ANKS1B: variants seen among roughly 807,000 people sequenced by gnomAD.
ANKS1B encodes the protein ankyrin repeat and sterile alpha motif domain containing 1B.
In ANKS1B, 36 loss-of-function variants were observed where a neutral mutation model predicts 148.3. The observed-to-expected ratio is 0.24, with a 90% CI of 0.19 to 0.32. The LOEUF (loss-of-function observed/expected upper bound fraction) is 0.32. Ranked by LOEUF, ANKS1B falls within the 10% of genes least tolerant of loss-of-function variation. The pLI, the probability that ANKS1B is intolerant of heterozygous loss-of-function variation, is 1.00. For missense variants in ANKS1B, 1,157 were observed against 1,542.6 expected, an observed-to-expected ratio of 0.75 and a Z score of 4.19; for synonymous variants, 542 against 560.8, an observed-to-expected ratio of 0.97 and a Z score of 0.47.
intron 10 of ANKS1B, among the ~76,000 whole-genome samples, chr12:99,484,017 T>TCA (rs2096453361): frequency 6.6e-6 from 1 of 152,052 alleles, no homozygotes; most frequent in African/African-American, 2.4e-5. Context: ...TGATCTTTGT[T>TCA]ATCTTTTTTC....
At chr12:99,395,629 A>G (rs761263112) in intron 12 of ANKS1B, among the ~76,000 whole-genome samples, 3 of 152,178 alleles carry the variant, frequency 2.0e-5, no homozygotes, top group Non-Finnish European at 1.5e-5. Flanking sequence ...TACTAGAGTG[A>G]ACTTTCTAGT....
chr12:98,917,949 A>C (rs766020949), intron 17 of ANKS1B, among the ~76,000 whole-genome samples: 1 of 152,218 alleles, frequency 6.6e-6, no homozygotes, highest in Non-Finnish European at 1.5e-5. Context: ...GGGGTTACAA[A>C]ATTAAATAAA....
At chr12:99,024,079 G>A (rs996837143) in intron 17 of ANKS1B, among the ~76,000 whole-genome samples, 4 of 151,840 alleles carry the variant, frequency 2.6e-5, no homozygotes, top group African/African-American at 9.7e-5. Context: ...ATTGTTATCA[G>A]TGGGTGTACT....
intron 17 of ANKS1B, among the ~76,000 whole-genome samples, chr12:98,899,753 C>A (rs539972859): frequency 6.6e-6 from 1 of 152,296 alleles, no homozygotes; most frequent in South Asian, 2.1e-4. Flanking sequence ...AACTAACACA[C>A]CATGTAAAGC....
chr12:99,069,575 C>T, intron 16 of ANKS1B, among the ~76,000 whole-genome samples: 1 of 152,158 alleles, frequency 6.6e-6, no homozygotes, highest in Non-Finnish European at 1.5e-5. Flanking sequence ...AAATTATAAC[C>T]TTAGAAATCA....
At chr12:99,015,187 T>C (rs928158952) in intron 17 of ANKS1B, among the ~76,000 whole-genome samples, 14 of 152,206 alleles carry the variant, frequency 9.2e-5, no homozygotes, top group African/African-American at 3.4e-4. Context: ...TGGAATATTA[T>C]GCAGCCATAT....
intron 12 of ANKS1B, among the ~76,000 whole-genome samples, chr12:99,394,166 T>G (rs930541149): frequency 2.6e-5 from 4 of 152,166 alleles, no homozygotes; most frequent in African/African-American, 9.7e-5. Context: ...AACTCTACAT[T>G]TCCTTCTCTG....
At chr12:99,424,672 A>T (rs2095203739) in intron 11 of ANKS1B, among the ~76,000 whole-genome samples, 1 of 151,298 alleles carries the variant, frequency 6.6e-6, no homozygotes, top group African/African-American at 2.4e-5. Flanking sequence ...CATAAGGAAA[A>T]TTTTAACTTG....
At chr12:99,209,794 C>T (rs1358118342) in intron 14 of ANKS1B, among the ~76,000 whole-genome samples, 1 of 152,176 alleles carries the variant, frequency 6.6e-6, no homozygotes, top group African/African-American at 2.4e-5. Flanking sequence ...TAAGGTCAGC[C>T]TGATCACAAA....
chr12:99,314,441 G>A (rs565278165), intron 12 of ANKS1B, among the ~76,000 whole-genome samples: 1 of 152,148 alleles, frequency 6.6e-6, no homozygotes, highest in Admixed American at 6.6e-5. Context: ...TGGAATCAAA[G>A]AAGACCCCAT....
chr12:98,837,338 G>GA (rs528891920), intron 17 of ANKS1B, among the ~76,000 whole-genome samples: 42,549 of 129,380 alleles, frequency 0.33, 6,595 homozygotes, highest in Admixed American at 0.39. Context: ...CTCTGTCTCA[G>GA]AAAAAAAAAA....
intron 17 of ANKS1B, among the ~76,000 whole-genome samples, chr12:98,889,353 T>TA (rs1199868441): frequency 1.5e-4 from 23 of 151,812 alleles, no homozygotes; most frequent in East Asian, 3.9e-4. Context: ...CTTTTTTATT[T>TA]TTTTTTTTTT....
At chr12:98,981,883 T>C (rs1207195976) in intron 17 of ANKS1B, among the ~76,000 whole-genome samples, 18 of 152,258 alleles carry the variant, frequency 1.2e-4, no homozygotes, top group Admixed American at 1.2e-3. Context: ...TTTAGTCTGC[T>C]GAGATACTGA....
chr12:99,124,759 G>A (rs1351159648), intron 15 of ANKS1B, among the ~76,000 whole-genome samples: 1 of 151,908 alleles, frequency 6.6e-6, no homozygotes, highest in Non-Finnish European at 1.5e-5. Context: ...AGAATGAGAA[G>A]GAATGGCCTG....
At chr12:98,769,309 T>C (rs2098537511) in intron 25 of ANKS1B, among the ~76,000 whole-genome samples, 1 of 151,564 alleles carries the variant, frequency 6.6e-6, no homozygotes, top group Non-Finnish European at 1.5e-5. Context: ...TCAAAGAAGC[T>C]TTTTTTAGTG....
intron 12 of ANKS1B, among the ~76,000 whole-genome samples, chr12:99,374,482 T>A (rs2093301720): frequency 6.6e-6 from 1 of 152,164 alleles, no homozygotes; most frequent in Non-Finnish European, 1.5e-5. Context: ...CAGGGTGCAT[T>A]CCCATCTTGT....
chr12:99,556,571 T>C (rs954212243), intron 9 of ANKS1B, among the ~76,000 whole-genome samples: 2 of 152,196 alleles, frequency 1.3e-5, no homozygotes, highest in African/African-American at 4.8e-5. Context: ...CGTTTTGATG[T>C]GGGCATTTAG....
In ANKS1B at chr12:99,817,680, A is replaced by G. The variant is rs1275758388; in HGVS notation, c.216-5369T>C. On this transcript the variant is annotated intron_variant, in intron 2 of 26. Coordinates refer to ENST00000683438, the MANE Select transcript of ANKS1B (RefSeq NM_001352186.2). ...CTCTGCATCCTTGCCAGTAGCTATTATATTTGTCTTTTCAGTAAAAATCGT... is the reference window on the plus strand; with the variant it reads ...CTCTGCATCCTTGCCAGTAGCTATTGTATTTGTCTTTTCAGTAAAAATCGT... Among the ~76,000 whole-genome samples the G allele has an allele frequency of 3.3e-5, 5 of 151,730 alleles. No individual in the cohort carries two copies. The East Asian group carries it at 9.7e-4, about 29-fold the overall frequency.
At chr12:98,855,165 C>CAA (rs60609011) in intron 17 of ANKS1B, among the ~76,000 whole-genome samples, 2,821 of 86,620 alleles carry the variant, frequency 0.033, 118 homozygotes, top group African/African-American at 0.091. Flanking sequence ...GACTCCGTCT[C>CAA]AAAAAAAAAA....
Sources: gnomAD v4.1 joint callset for allele counts (sites outside exome capture counted in the v4.1 genomes callset) on GRCh38, gnomAD v4.1.1 for gene constraint, MANE v1.5 for transcripts, NCBI Gene and HGNC (gene_info 2026-07-23, HGNC 2026-07-21) for gene names.